Variants in TBC1D22B observed in about 807,000 individuals in gnomAD.
The protein encoded by TBC1D22B is TBC1 domain family member 22B.
In TBC1D22B, 32 loss-of-function variants were observed where a neutral mutation model predicts 69.1. The ratio of observed to expected loss-of-function variants is 0.46; its 90% CI spans 0.35 to 0.62. TBC1D22B has a LOEUF of 0.62. TBC1D22B is among the 20% of genes least tolerant of loss of function. TBC1D22B has a pLI of 0.00. For missense variants in TBC1D22B, 462 were observed against 630.9 expected (o/e 0.73, Z 2.87); for synonymous variants, 206 against 229.8 (o/e 0.90, Z 0.94).
chr6:37,266,466 CTT>C (rs11336445), intron 1 of TBC1D22B, among the ~76,000 whole-genome samples: 146 of 142,674 alleles, frequency 1.0e-3, no homozygotes, highest in Admixed American at 3.0e-3. Flanking sequence ...CTGCCTCATT[CTT>C]TTTTTTTTTT....
intron 8 of TBC1D22B, among the ~76,000 whole-genome samples, chr6:37,301,973 G>A (rs1767585744): frequency 6.6e-6 from 1 of 152,146 alleles, no homozygotes; most frequent in African/African-American, 2.4e-5. Flanking sequence ...CATAGCATAG[G>A]GGATCTGCCC....
At chr6:37,286,945 A>T in intron 6 of TBC1D22B, 62 bp from the exon 7 acceptor site, 2 of 1,507,342 alleles carry the variant, frequency 1.3e-6, no homozygotes, top group Non-Finnish European at 1.8e-6. Context: ...ACTTCATCTC[A>T]AAAAAACAAA....
At position 37,331,484 on chromosome 6, in the gene TBC1D22B, A is replaced by C; in HGVS notation, c.*312A>C. ...GGGAAGGCTCAGGGTCTCACCTCAC[A>C]TTGTCCCTACAAGGACAGGCCCCAA... On this transcript the variant is annotated 3_prime_UTR_variant, in exon 13 of 13. Coordinates refer to ENST00000373491, the MANE Select transcript of TBC1D22B (RefSeq NM_017772.4). 1 of 246,054 alleles carries C rather than the reference A, an allele frequency of 4.1e-6. No individual in the cohort carries two copies. The allele number at this position is 246,054 out of a possible 1,614,324, so 15.2% of individuals were successfully genotyped here.
intron 2 of TBC1D22B, among the ~76,000 whole-genome samples, chr6:37,273,415 T>C (rs911780864): frequency 6.6e-6 from 1 of 152,234 alleles, no homozygotes; most frequent in African/African-American, 2.4e-5. Flanking sequence ...CTGAGTGTAG[T>C]GTCCATTTTA....
At position 37,304,694 on chromosome 6, in the gene TBC1D22B, G is replaced by A. The variant is rs539089467; in HGVS notation, c.983-8224G>A. Reference sequence around the variant, plus strand: ...GGAAATATTCTCTATTTGGATGGGGGCATTTTTTTTTTAAACCATAGACAT... The same window carrying A: ...GGAAATATTCTCTATTTGGATGGGGACATTTTTTTTTTAAACCATAGACAT... On this transcript the variant is annotated intron_variant, in intron 8 of 12. Coordinates refer to ENST00000373491, the MANE Select transcript of TBC1D22B (RefSeq NM_017772.4). Among the ~76,000 whole-genome samples, 8 of 152,236 alleles carry A rather than the reference G, an allele frequency of 5.3e-5. No homozygotes were observed. The East Asian group carries it at 1.3e-3, about 26-fold the overall frequency.
chr6:37,313,489 CA>C (rs60514210), intron 9 of TBC1D22B, among the ~76,000 whole-genome samples: 126,986 of 141,488 alleles, frequency 0.9, 56,919 homozygotes, highest in African/African-American at 0.96. Context: ...GACCCTATCT[CA>C]AAAAAAAAAA....
intron 2 of TBC1D22B, among the ~76,000 whole-genome samples, chr6:37,270,697 T>C (rs954757952): frequency 7.2e-5 from 11 of 152,224 alleles, no homozygotes; most frequent in Admixed American, 7.2e-4. Context: ...TGGCCTCTAT[T>C]TGGGGGCATG....
At position 37,297,743 on chromosome 6, in the gene TBC1D22B, C is replaced by T. The variant is rs947183652; in HGVS notation, c.982+6386C>T. Among the ~76,000 whole-genome samples, 10 of 152,148 alleles carry T rather than the reference C, an allele frequency of 6.6e-5. No homozygotes were observed. The South Asian group carries it at 1.0e-3, about 16-fold the overall frequency. On this transcript the variant is annotated intron_variant, in intron 8 of 12. Coordinates refer to ENST00000373491, the MANE Select transcript of TBC1D22B (RefSeq NM_017772.4). ...ACATTCTACTGTAAAGATATATGCA[C>T]ATGTATGTTTATTGCAACACTGTTC...
intron 12 of TBC1D22B, among the ~76,000 whole-genome samples, chr6:37,320,226 G>C (rs1341552811): frequency 6.6e-6 from 1 of 152,188 alleles, no homozygotes; most frequent in Non-Finnish European, 1.5e-5. Context: ...ACTGTGCAGA[G>C]TAGTACAGTG....
chr6:37,265,159 C>T (rs931732618), intron 1 of TBC1D22B, among the ~76,000 whole-genome samples: 2 of 152,214 alleles, frequency 1.3e-5, no homozygotes, highest in East Asian at 3.8e-4. Context: ...GATACCTTTG[C>T]TGATGAAGTC....
At chr6:37,295,129 G>A (rs1019857868) in intron 8 of TBC1D22B, among the ~76,000 whole-genome samples, 3 of 152,214 alleles carry the variant, frequency 2.0e-5, no homozygotes, top group Admixed American at 6.5e-5. Context: ...TGGAGACAGG[G>A]TCCCACTCTG....
At chr6:37,297,683 TGTA>T (rs1249858357) in intron 8 of TBC1D22B, among the ~76,000 whole-genome samples, 2 of 152,204 alleles carry the variant, frequency 1.3e-5, no homozygotes, top group Non-Finnish European at 1.5e-5. Flanking sequence ...TAAAAAAAAT[TGTA>T]GTAGAAGTAT....
chr6:37,299,907 G>T (rs1017596658), intron 8 of TBC1D22B, among the ~76,000 whole-genome samples: 22 of 151,736 alleles, frequency 1.4e-4, no homozygotes, highest in African/African-American at 5.3e-4. Context: ...TACTCGGGAG[G>T]CTGAGGCAGG....
chr6:37,325,715 A>G (rs1027755662), intron 12 of TBC1D22B, among the ~76,000 whole-genome samples: 2 of 151,870 alleles, frequency 1.3e-5, no homozygotes, highest in East Asian at 1.9e-4. Flanking sequence ...ACGCCCAGCT[A>G]ATTTTTTGTA....
chr6:37,283,288 T>A (rs1766896927), intron 5 of TBC1D22B, among the ~76,000 whole-genome samples: 1 of 152,226 alleles, frequency 6.6e-6, no homozygotes, highest in East Asian at 1.9e-4. Context: ...TCAGCCGGAA[T>A]AACCAAAAGT....
intron 10 of TBC1D22B, 145 bp from the exon 11 acceptor site, chr6:37,316,558 G>A: frequency 1.2e-6 from 1 of 822,504 alleles, no homozygotes. Context: ...CAAACATAAA[G>A]GACAGTCAGA....
chr6:37,327,501 A>AG (rs2113795310), intron 12 of TBC1D22B, among the ~76,000 whole-genome samples: 1 of 150,820 alleles, frequency 6.6e-6, no homozygotes, highest in Admixed American at 6.6e-5. Context: ...AAAAAAAAAA[A>AG]AAAAATAAGT....
intron 6 of TBC1D22B, among the ~76,000 whole-genome samples, chr6:37,285,583 G>A (rs73421909): frequency 3.9e-5 from 6 of 151,928 alleles, no homozygotes; most frequent in East Asian, 1.9e-4. Flanking sequence ...GCCTTTGTCC[G>A]CTGGGTTCCA....
intron 1 of TBC1D22B, among the ~76,000 whole-genome samples, chr6:37,263,630 C>A (rs780127202): frequency 6.6e-6 from 1 of 152,208 alleles, no homozygotes; most frequent in Admixed American, 6.5e-5. Context: ...TGTTGCCAGG[C>A]TGGAGTGCAG....
Sources: allele counts gnomAD v4.1 joint callset (sites outside exome capture counted in the v4.1 genomes callset), GRCh38; gene constraint gnomAD v4.1.1; transcripts MANE v1.5; gene names NCBI Gene and HGNC (gene_info 2026-07-23, HGNC 2026-07-21).